VWC2: variants seen among roughly 807,000 people sequenced by gnomAD.
VWC2 encodes the protein von Willebrand factor C domain containing 2, also known as brorin.
In VWC2, 14 loss-of-function variants were observed where a neutral mutation model predicts 29.8. The observed-to-expected ratio is 0.47, with a 90% CI of 0.31 to 0.74. The LOEUF (loss-of-function observed/expected upper bound fraction) is 0.74. VWC2 is among the 30% of genes least tolerant of loss of function. The pLI is 0.05. For synonymous variants in VWC2, 213 were observed against 199.0 expected (o/e 1.07, Z -0.59); for missense variants, 457 against 459.8 (o/e 0.99, Z 0.05).
At chr7:49,803,775 G>A (rs1379201271) in intron 3 of VWC2, among the ~76,000 whole-genome samples, 1 of 152,168 alleles carries the variant, frequency 6.6e-6, no homozygotes. Flanking sequence ...GGTGGTCATG[G>A]TGCTCAGACA....
chr7:49,884,724 G>T (rs1567269), intron 3 of VWC2, among the ~76,000 whole-genome samples: 3 of 151,980 alleles, frequency 2.0e-5, no homozygotes, highest in Admixed American at 6.6e-5. Context: ...CCAAACTCAA[G>T]TCAAGTTTTA....
chr7:49,811,350 G>A (rs1789001785), intron 3 of VWC2, among the ~76,000 whole-genome samples: 1 of 152,164 alleles, frequency 6.6e-6, no homozygotes, highest in Non-Finnish European at 1.5e-5. Flanking sequence ...TAGTGGAGGT[G>A]ATTGAATCCT....
At chr7:49,780,679 T>C (rs1376671210) in intron 2 of VWC2, among the ~76,000 whole-genome samples, 2 of 152,194 alleles carry the variant, frequency 1.3e-5, no homozygotes, top group Admixed American at 6.5e-5. Flanking sequence ...GGAGCTCTGA[T>C]TGGCAATTGT....
chr7:49,852,741 G>A (rs566618243), intron 3 of VWC2, among the ~76,000 whole-genome samples: 4 of 152,214 alleles, frequency 2.6e-5, no homozygotes, highest in Admixed American at 6.5e-5. Flanking sequence ...TTAAGTGATC[G>A]TCTTAATCAA....
intron 3 of VWC2, among the ~76,000 whole-genome samples, chr7:49,898,260 G>C (rs530525145): frequency 6.6e-6 from 1 of 151,562 alleles, no homozygotes; most frequent in African/African-American, 2.4e-5. Flanking sequence ...TAAATACATT[G>C]TTGCTGTTAT....
intron 3 of VWC2, among the ~76,000 whole-genome samples, chr7:49,828,725 A>T (rs141075857): frequency 1.3e-5 from 2 of 152,216 alleles, no homozygotes; most frequent in East Asian, 3.9e-4. Flanking sequence ...TCCCACGGTT[A>T]ATCAGTTCTG....
intron 3 of VWC2, among the ~76,000 whole-genome samples, chr7:49,892,036 T>G (rs1792156712): frequency 8.6e-6 from 1 of 116,062 alleles, no homozygotes; most frequent in African/African-American, 3.3e-5. Flanking sequence ...AGTAGATTTT[T>G]TTTTTTTTTT....
In VWC2 at chr7:49,776,023, C is replaced by T. The variant is rs375117513; in HGVS notation, c.588C>T (p.His196=). 69 of 1,545,760 alleles carry T rather than the reference C, an allele frequency of 4.5e-5. No individual in the cohort carries two copies. The African/African-American group carries it at 7.4e-4, about 16-fold the overall frequency. Residue 196 remains histidine (H), a synonymous_variant, in exon 2 of 4, where the codon CAC becomes CAT. Coordinates refer to ENST00000340652, the MANE Select transcript of VWC2 (RefSeq NM_198570.5). ...LCAQPECPRL[H]PRCIHVDTSQ... The stretch of plus-strand genomic sequence containing the variant: ...CGCAGCCCGAGTGCCCGAGGCTGCA[C>T]CCGCGCTGCATCCACGTCGACACGA...
chr7:49,798,639 G>A lies in VWC2; in HGVS notation c.697-4072G>A, dbSNP rs184015430. Among the ~76,000 whole-genome samples, 4 of 152,306 alleles carry A rather than the reference G, an allele frequency of 2.6e-5. No individual in the cohort carries two copies. In the East Asian group the frequency reaches 5.8e-4, roughly 22 times the overall value. On this transcript the variant is annotated intron_variant, in intron 2 of 3. Coordinates refer to ENST00000340652, the MANE Select transcript of VWC2 (RefSeq NM_198570.5). ...AGGCAGTGTAGGGACTGGAGCCAGT[G>A]TAGGGAAGAGCTGGCCTGAATCCAG... is the stretch of plus-strand genomic sequence containing the variant.
Position 49,775,840 on chromosome 7 carries a change from C to A in VWC2, c.405C>A (p.Leu135=), listed in dbSNP as rs1023745161. The change falls in exon 2 of 4, where the codon CTC becomes CTA. Residue 135 remains leucine (L), a synonymous_variant. Coordinates refer to ENST00000340652, the MANE Select transcript of VWC2 (RefSeq NM_198570.5). ...CCCAGGACGCGATTGGCCCGGAACTCGCGCCCACGCCCGAGCCACCCGAGG... is the reference window on the plus strand; with the variant it reads ...CCCAGGACGCGATTGGCCCGGAACTAGCGCCCACGCCCGAGCCACCCGAGG... ...AAAQDAIGPE[L]APTPEPPEEY... is the part of the protein sequence containing the mutation. The A allele has an allele frequency of 4.5e-6, 7 of 1,549,830 alleles. No individual in the cohort carries two copies. The African/African-American group carries it at 8.2e-5, about 18-fold the overall frequency.
At chr7:49,821,593 A>G (rs1455921250) in intron 3 of VWC2, among the ~76,000 whole-genome samples, 1 of 152,214 alleles carries the variant, frequency 6.6e-6, no homozygotes, top group African/African-American at 2.4e-5. Flanking sequence ...TCAGTGTCTT[A>G]CATGCTTCAA....
chr7:49,788,275 T>C (rs902811525), intron 2 of VWC2, among the ~76,000 whole-genome samples: 2 of 152,160 alleles, frequency 1.3e-5, no homozygotes, highest in South Asian at 4.1e-4. Flanking sequence ...TCCATTTGGG[T>C]CACTCTACAG....
At chr7:49,888,239 C>CT (rs1315088668) in intron 3 of VWC2, among the ~76,000 whole-genome samples, 1 of 152,068 alleles carries the variant, frequency 6.6e-6, no homozygotes, top group Non-Finnish European at 1.5e-5. Context: ...TTCCTTTTTC[C>CT]TTATCTTCTT....
chr7:49,781,929 G>C (rs1055931973), intron 2 of VWC2, among the ~76,000 whole-genome samples: 9 of 152,066 alleles, frequency 5.9e-5, no homozygotes, highest in African/African-American at 2.2e-4. Context: ...GAGTCCAGGG[G>C]GCAGTGAAAA....
At chr7:49,787,812 T>C (rs571938400) in intron 2 of VWC2, among the ~76,000 whole-genome samples, 1 of 152,246 alleles carries the variant, frequency 6.6e-6, no homozygotes, top group East Asian at 1.9e-4. Context: ...CAGGGTAACC[T>C]CCCACTGGTA....
chr7:49,912,482 A>T lies in VWC2; in HGVS notation c.*297A>T, dbSNP rs950527096. ...AATGTATTTCTATAATCCCTCCATT[A>T]GAGAGCTTATATAAGTGTTTTCTAT... On this transcript the variant is annotated 3_prime_UTR_variant, in exon 4 of 4. Coordinates refer to ENST00000340652, the MANE Select transcript of VWC2 (RefSeq NM_198570.5). 1.4e-5 allele frequency: 3 copies of T among 221,592 alleles called. No individual in the cohort carries two copies. Among genetic ancestry groups the T allele is most frequent in the Non-Finnish European group, 2.7e-5 (3 of 111,138 alleles). The allele number at this position is 221,592 out of a possible 1,614,324, so 13.7% of individuals were successfully genotyped here.
Position 49,912,307 on chromosome 7 carries a change from G to A in VWC2, c.*122G>A. The A allele has an allele frequency of 3.8e-6, 4 of 1,053,322 alleles. No homozygotes were observed. Among genetic ancestry groups the A allele is most frequent in the Non-Finnish European group, 5.3e-6 (4 of 757,176 alleles). The allele number at this position is 1,053,322 out of a possible 1,614,324, so 65.2% of individuals were successfully genotyped here. A position where few individuals can be genotyped will look rare whatever the true frequency, so the allele number is the denominator to read the frequency against. Reference sequence around the variant, plus strand: ...TGATGAGGAATAATGGAAAATTGTTGGTACTTTTCCTTTTCTTGATAACAG... The same window carrying A: ...TGATGAGGAATAATGGAAAATTGTTAGTACTTTTCCTTTTCTTGATAACAG... On this transcript the variant is annotated 3_prime_UTR_variant, in exon 4 of 4. Transcript: ENST00000340652.
intron 3 of VWC2, among the ~76,000 whole-genome samples, chr7:49,840,611 T>C (rs897822434): frequency 2.0e-5 from 3 of 152,186 alleles, no homozygotes; most frequent in African/African-American, 7.2e-5. Flanking sequence ...CTCCTCTGAT[T>C]CTATTTTGTG....
chr7:49,846,538 A>T (rs1010111422), intron 3 of VWC2, among the ~76,000 whole-genome samples: 1 of 152,192 alleles, frequency 6.6e-6, no homozygotes, highest in Non-Finnish European at 1.5e-5. Context: ...CCTGACAGTG[A>T]TGAGCTCAAG....
Sources: allele counts gnomAD v4.1 joint callset (sites outside exome capture counted in the v4.1 genomes callset), GRCh38; gene constraint gnomAD v4.1.1; transcripts MANE v1.5; gene names NCBI Gene and HGNC (gene_info 2026-07-23, HGNC 2026-07-21).